Variants in SFMBT2 observed in about 807,000 individuals in gnomAD.
SFMBT2 encodes Scm like with four mbt domains 2.
SFMBT2 carries 38 observed loss-of-function variants against 110.1 expected under a neutral mutation model. The ratio of observed to expected loss-of-function variants is 0.35; its 90% confidence interval spans 0.27 to 0.45. The LOEUF (loss-of-function observed/expected upper bound fraction) is 0.45, where lower values mean the gene tolerates loss of function less well. SFMBT2 is among the 20% of genes least tolerant of loss of function. SFMBT2 has a pLI of 1.00. For synonymous variants in SFMBT2, 425 were observed against 425.4 expected (o/e 1.00, Z 0.01); for missense variants, 1,011 against 1,094.9 (o/e 0.92, Z 1.08).
At position 7,370,481 on chromosome 10, in the gene SFMBT2, T is replaced by G; in HGVS notation, c.101-106A>C. 5.3e-6 allele frequency: 5 copies of G among 951,012 alleles called. No individual in the cohort carries two copies. The South Asian group carries it at 7.0e-5, about 13-fold the overall frequency. The allele number at this position is 951,012 out of a possible 1,614,324, so 58.9% of individuals were successfully genotyped here. A position where few individuals can be genotyped will look rare whatever the true frequency, so the allele number is the denominator to read the frequency against. ...TCCTTCATACAAGACACAAGCTAAT[T>G]CCACAGTTCAGAAGGATATTGCTGA... On this transcript the variant is annotated intron_variant, in intron 2 of 20. Coordinates refer to ENST00000397167, the MANE Select transcript of SFMBT2 (RefSeq NM_001387889.1).
intron 4 of SFMBT2, among the ~76,000 whole-genome samples, chr10:7,351,261 C>T (rs1844305486): frequency 6.6e-6 from 1 of 152,168 alleles, no homozygotes; most frequent in African/African-American, 2.4e-5. Context: ...GTTCCTTATT[C>T]ATTTAACAAC....
intron 7 of SFMBT2, among the ~76,000 whole-genome samples, chr10:7,272,087 G>C (rs1036262447): frequency 6.6e-6 from 1 of 152,104 alleles, no homozygotes; most frequent in Non-Finnish European, 1.5e-5. Flanking sequence ...CACTGCACAG[G>C]GGAGCGAGTG....
At chr10:7,251,451 G>C (rs543261404) in intron 7 of SFMBT2, among the ~76,000 whole-genome samples, 11 of 152,308 alleles carry the variant, frequency 7.2e-5, no homozygotes, top group Non-Finnish European at 1.3e-4. Flanking sequence ...TCCAGCCTGG[G>C]TGACAGGGTG....
intron 2 of SFMBT2, among the ~76,000 whole-genome samples, chr10:7,378,709 T>TGTGTGTGGCTGTGGGGTGG: frequency 7.2e-6 from 1 of 138,696 alleles, no homozygotes; most frequent in African/African-American, 2.8e-5. Context: ...TGTGCATGGG[T>TGTGTGTGGCTGTGGGGTGG]GTGTGTGGCT....
At chr10:7,257,703 A>G (rs903508660) in intron 7 of SFMBT2, among the ~76,000 whole-genome samples, 1 of 152,208 alleles carries the variant, frequency 6.6e-6, no homozygotes, top group Non-Finnish European at 1.5e-5. Flanking sequence ...GAAGAACCGA[A>G]GCTTATGCTT....
At chr10:7,362,525 C>T (rs1844756052) in intron 4 of SFMBT2, among the ~76,000 whole-genome samples, 1 of 152,208 alleles carries the variant, frequency 6.6e-6, no homozygotes, top group Non-Finnish European at 1.5e-5. Flanking sequence ...TAGAAAACTA[C>T]TTTGGACAAT....
intron 6 of SFMBT2, among the ~76,000 whole-genome samples, chr10:7,277,640 G>GA (rs78624301): frequency 5.3e-4 from 76 of 143,472 alleles, no homozygotes; most frequent in East Asian, 1.0e-3. Context: ...AAATTAAAAG[G>GA]AAAAAAAAAA....
chr10:7,314,933 G>A (rs1842943652), intron 4 of SFMBT2, among the ~76,000 whole-genome samples: 1 of 149,856 alleles, frequency 6.7e-6, no homozygotes, highest in Non-Finnish European at 1.5e-5. Context: ...GAAAGAGAGA[G>A]AGAGAGAAAG....
intron 8 of SFMBT2, among the ~76,000 whole-genome samples, chr10:7,247,799 A>G (rs568560266): frequency 6.6e-5 from 10 of 152,370 alleles, no homozygotes; most frequent in African/African-American, 2.4e-4. Flanking sequence ...CTTAAGGTAG[A>G]AACAAGCAAT....
At chr10:7,401,176 C>T (rs1846072573) in intron 1 of SFMBT2, among the ~76,000 whole-genome samples, 1 of 151,974 alleles carries the variant, frequency 6.6e-6, no homozygotes, top group South Asian at 2.1e-4. Flanking sequence ...AAAAAGAGCC[C>T]GAGTGGTAAG....
chr10:7,280,540 T>C (rs1841921577), intron 6 of SFMBT2, among the ~76,000 whole-genome samples: 1 of 152,184 alleles, frequency 6.6e-6, no homozygotes, highest in Non-Finnish European at 1.5e-5. Context: ...CATCCAGAAA[T>C]AGGAGAGCAG....
rs143565075 is a variant in SFMBT2 at position 7,406,786 on chromosome 10, A to G, written c.-52+4075T>C. Reference sequence around the variant, plus strand: ...TGAGGTTCAGGATGGATGTATCCCAATGGGAAATGGGAAACAGTTCCCACC... The same window carrying G: ...TGAGGTTCAGGATGGATGTATCCCAGTGGGAAATGGGAAACAGTTCCCACC... On this transcript the variant is annotated intron_variant, in intron 1 of 20. Transcript: ENST00000397167. Among the ~76,000 whole-genome samples, 733 of 152,324 alleles carry G rather than the reference A, an allele frequency of 4.8e-3. 8 individuals are homozygous for G. Among genetic ancestry groups the G allele is most frequent in the African/African-American group, 0.016 (675 of 41,560 alleles).
intron 9 of SFMBT2, among the ~76,000 whole-genome samples, chr10:7,235,455 G>A (rs941568550): frequency 5.3e-5 from 8 of 151,892 alleles, no homozygotes; most frequent in South Asian, 2.1e-4. Flanking sequence ...GAGTGCTTCC[G>A]CCAGTCTAAT....
intron 7 of SFMBT2, among the ~76,000 whole-genome samples, chr10:7,257,906 A>G (rs1841079302): frequency 6.6e-6 from 1 of 152,232 alleles, no homozygotes; most frequent in Non-Finnish European, 1.5e-5. Flanking sequence ...TAAAAACAAA[A>G]AAGGCAGTGA....
chr10:7,278,563 C>G (rs558565547), intron 6 of SFMBT2, among the ~76,000 whole-genome samples: 34 of 152,298 alleles, frequency 2.2e-4, no homozygotes, highest in Admixed American at 9.1e-4. Context: ...ATGCCCCTTT[C>G]CAGCAAGCTG....
intron 2 of SFMBT2, among the ~76,000 whole-genome samples, chr10:7,378,615 G>A (rs1845336225): frequency 7.2e-6 from 1 of 139,468 alleles, no homozygotes; most frequent in African/African-American, 2.7e-5. Flanking sequence ...GTGTGAGTGT[G>A]GGTTGAGTGG....
At chr10:7,278,410 C>T (rs781601406) in intron 6 of SFMBT2, among the ~76,000 whole-genome samples, 5 of 152,152 alleles carry the variant, frequency 3.3e-5, no homozygotes, top group Non-Finnish European at 7.3e-5. Context: ...CAGGCAAGCT[C>T]GTGGGCACTG....
chr10:7,249,275 G>T (rs551501094), intron 7 of SFMBT2: 7 of 172,148 alleles, frequency 4.1e-5, no homozygotes, highest in Non-Finnish European at 6.9e-5. Context: ...CCTAATAGGG[G>T]TCTGGCAGTT....
intron 4 of SFMBT2, among the ~76,000 whole-genome samples, chr10:7,355,164 A>G (rs1282742196): frequency 1.3e-5 from 2 of 152,220 alleles, no homozygotes; most frequent in Admixed American, 1.3e-4. Context: ...AAATTTTTTA[A>G]TCATTTTGTT....
Sources: gnomAD v4.1 joint callset for allele counts (sites outside exome capture counted in the v4.1 genomes callset) on GRCh38, gnomAD v4.1.1 for gene constraint, MANE v1.5 for transcripts, NCBI Gene and HGNC (gene_info 2026-07-23, HGNC 2026-07-21) for gene names.